The following UNC13C variants were observed in gnomAD, a reference collection of about 807,000 sequenced individuals.
UNC13C encodes the protein protein unc-13 homolog C.
Under a neutral mutation model 245.4 loss-of-function variants are expected in UNC13C, and 174 were observed. That is an observed-to-expected ratio of 0.71 (90% CI 0.63 to 0.80). UNC13C has a LOEUF of 0.80. UNC13C is among the 30% of genes least tolerant of loss of function. UNC13C has a pLI of 0.00. For synonymous variants in UNC13C, 992 were observed against 895.1 expected, an observed-to-expected ratio of 1.11 and a Z score of -1.93; for missense variants, 2,829 against 2,602.9, an observed-to-expected ratio of 1.09 and a Z score of -1.89.
At chr15:53,967,648 G>A in the UNC13C span, among the ~76,000 whole-genome samples, 1 of 152,152 alleles carries the variant, frequency 6.6e-6, no homozygotes, top group African/African-American at 2.4e-5. Context: ...TTCAAGAGAT[G>A]TTTCCTTGAA....
At chr15:54,390,225 A>G (rs994504075) in intron 17 of UNC13C, among the ~76,000 whole-genome samples, 4 of 152,196 alleles carry the variant, frequency 2.6e-5, no homozygotes, top group African/African-American at 7.2e-5. Context: ...TGTCTTTTGC[A>G]TGTAATGGCT....
At chr15:54,552,663 AT>A (rs1896852333) in intron 28 of UNC13C, among the ~76,000 whole-genome samples, 3 of 82,884 alleles carry the variant, frequency 3.6e-5, no homozygotes, top group Non-Finnish European at 5.9e-5. Flanking sequence ...ATTATATTAT[AT>A]TGTACTATAT....
At chr15:54,042,172 C>G (rs1333889344) in intron 2 of UNC13C, among the ~76,000 whole-genome samples, 1 of 152,162 alleles carries the variant, frequency 6.6e-6, no homozygotes, top group Admixed American at 6.5e-5. Flanking sequence ...AAGGAATACT[C>G]AACCTCTATA....
chr15:54,524,633 A>C (rs1404482730), intron 24 of UNC13C, among the ~76,000 whole-genome samples: 1 of 152,182 alleles, frequency 6.6e-6, no homozygotes, highest in Non-Finnish European at 1.5e-5. Context: ...ATGCACCCTC[A>C]TAGGGATACT....
At chr15:54,392,679 A>G (rs1041203478) in intron 17 of UNC13C, among the ~76,000 whole-genome samples, 8 of 151,892 alleles carry the variant, frequency 5.3e-5, no homozygotes, top group Non-Finnish European at 1.0e-4. Flanking sequence ...ACAAAATTCA[A>G]TCTTCATCCT....
At chr15:54,415,278 C>G (rs2040495821) in intron 19 of UNC13C, among the ~76,000 whole-genome samples, 2 of 152,066 alleles carry the variant, frequency 1.3e-5, no homozygotes, top group Non-Finnish European at 2.9e-5. Context: ...ATTATATGGT[C>G]TAAGTTCTTG....
intron 4 of UNC13C, among the ~76,000 whole-genome samples, chr15:54,232,115 A>T (rs117110865): frequency 0.056 from 8,528 of 152,104 alleles, 313 homozygotes; most frequent in Non-Finnish European, 0.08. Context: ...TTTGTGATAA[A>T]ATTTTATATT....
In UNC13C at chr15:54,338,466, C is replaced by G; in HGVS notation, c.4690C>G (p.Leu1564Val). 1 of 1,613,376 alleles carries G rather than the reference C, an allele frequency of 6.2e-7. No individual in the cohort carries two copies. The highest frequency in any genetic ancestry group is 8.5e-7 in the Non-Finnish European group (1 of 1,179,422). ...YKYIFDNCHE[L>V]YSQLTDPSKK... The stretch of plus-strand genomic sequence containing the variant: ...GTATATTTTTGACAACTGCCATGAA[C>G]TCTACTCCCAGCTAACAGACCCGGT... Residue 1564 changes from leucine to valine, a missense_variant, in exon 17 of 33, where the codon CTC becomes GTC. Physicochemically the swap from Leu to Val is conservative, Grantham distance 32. Coordinates refer to ENST00000260323, the MANE Select transcript of UNC13C (RefSeq NM_001080534.3).
At chr15:54,133,705 T>A (rs1324201980) in intron 2 of UNC13C, among the ~76,000 whole-genome samples, 1 of 152,176 alleles carries the variant, frequency 6.6e-6, no homozygotes, top group Non-Finnish European at 1.5e-5. Flanking sequence ...AGAACAACTG[T>A]ATGTAGAATA....
chr15:53,914,661 G>T, the UNC13C span: 2 of 152,238 alleles, frequency 1.3e-5, no homozygotes, highest in African/African-American at 4.8e-5. Flanking sequence ...GAGAGCTAGC[G>T]TGAGAAAGCT....
chr15:54,528,530 C>G (rs1262186064), intron 25 of UNC13C, among the ~76,000 whole-genome samples: 1 of 151,658 alleles, frequency 6.6e-6, no homozygotes, highest in Admixed American at 6.6e-5. Flanking sequence ...TTCTATTTTT[C>G]TTTTTCTAGT....
At chr15:54,079,455 T>C (rs1898818460) in intron 2 of UNC13C, among the ~76,000 whole-genome samples, 3 of 152,112 alleles carry the variant, frequency 2.0e-5, no homozygotes, top group Admixed American at 2.0e-4. Flanking sequence ...CATGGGATGT[T>C]TTTGCACTTG....
At chr15:54,252,218 C>A (rs990906504) in intron 8 of UNC13C, among the ~76,000 whole-genome samples, 1 of 151,970 alleles carries the variant, frequency 6.6e-6, no homozygotes, top group East Asian at 1.9e-4. Context: ...AAAATGATGC[C>A]ACTCATACCT....
intron 2 of UNC13C, chr15:54,049,128 G>A (rs1012630514): frequency 9.0e-5 from 34 of 376,028 alleles, no homozygotes; most frequent in African/African-American, 5.8e-4. Context: ...TTTCAAGATT[G>A]CATCCTTACG....
At position 54,294,800 on chromosome 15, in the gene UNC13C, TAA is replaced by T. The variant is rs772807896; in HGVS notation, c.3988+738_3988+739del. Among the ~76,000 whole-genome samples, 126 of 152,240 alleles carry T rather than the reference TAA, an allele frequency of 8.3e-4. 1 individual carries two copies. The highest frequency in any genetic ancestry group is 1.1e-3 in the Non-Finnish European group (74 of 67,994). ...TTTTGAGGGCTGGCTGGATATGAAT[TAA>T]AGAGTTGACACATTCCTTGGGTTAC... On this transcript the variant is annotated intron_variant, in intron 11 of 32. Coordinates refer to ENST00000260323, the MANE Select transcript of UNC13C (RefSeq NM_001080534.3).
intron 2 of UNC13C, chr15:54,049,741 G>A (rs1421978081): frequency 3.3e-5 from 8 of 241,134 alleles, no homozygotes; most frequent in East Asian, 1.3e-4. Flanking sequence ...GTTTTATTAC[G>A]TAAGTGTAAA....
chr15:54,320,653 G>C (rs1370215570), intron 13 of UNC13C: 1 of 300,034 alleles, frequency 3.3e-6, no homozygotes, highest in Non-Finnish European at 6.4e-6. Flanking sequence ...TCACAACTGT[G>C]TTGTAACCCA....
At chr15:54,218,508 A>G (rs899385464) in intron 4 of UNC13C, among the ~76,000 whole-genome samples, 4 of 151,978 alleles carry the variant, frequency 2.6e-5, no homozygotes, top group Non-Finnish European at 4.4e-5. Flanking sequence ...GTGGAATAGT[A>G]TGATGCCTCC....
At chr15:54,556,385 A>T (rs952309884) in intron 29 of UNC13C, among the ~76,000 whole-genome samples, 1 of 152,064 alleles carries the variant, frequency 6.6e-6, no homozygotes, top group Non-Finnish European at 1.5e-5. Context: ...AATAACAGTC[A>T]CATACTTTCA....
Sources: gnomAD v4.1 joint callset for allele counts (sites outside exome capture counted in the v4.1 genomes callset) on GRCh38, gnomAD v4.1.1 for gene constraint, MANE v1.5 for transcripts, NCBI Gene and HGNC (gene_info 2026-07-23, HGNC 2026-07-21) for gene names.